RNF180: variants seen among roughly 807,000 people sequenced by gnomAD.
The protein encoded by RNF180 is E3 ubiquitin-protein ligase RNF180.
A neutral mutation model predicts 59.2 loss-of-function variants in RNF180; 38 were observed. The observed-to-expected ratio is 0.64, with a 90% CI of 0.50 to 0.84. The LOEUF (loss-of-function observed/expected upper bound fraction) is 0.84. Among genes scored for constraint, RNF180 ranks in the 40% least tolerant of loss-of-function variants. The pLI, the probability that RNF180 is intolerant of heterozygous loss-of-function variation, is 0.00. For missense variants in RNF180, 705 were observed against 700.9 expected (o/e 1.01, Z -0.07); for synonymous variants, 262 against 240.3 (o/e 1.09, Z -0.84).
intron 5 of RNF180, among the ~76,000 whole-genome samples, chr5:64,260,661 A>C (rs1257765320): frequency 6.6e-6 from 1 of 152,138 alleles, no homozygotes; most frequent in Non-Finnish European, 1.5e-5. Context: ...ACATATTTGC[A>C]CAGAGCAAAG....
chr5:64,192,939 A>ATATATATATATAT (rs1554028955), intron 1 of RNF180, among the ~76,000 whole-genome samples: 138 of 135,276 alleles, frequency 1.0e-3, no homozygotes, highest in African/African-American at 1.7e-3. Flanking sequence ...ATATATATAT[A>ATATATATATATAT]AAATGAAACA....
intron 5 of RNF180, among the ~76,000 whole-genome samples, chr5:64,284,516 C>T (rs1742181104): frequency 6.6e-6 from 1 of 152,154 alleles, no homozygotes; most frequent in Admixed American, 6.5e-5. Flanking sequence ...TTTTCATAAT[C>T]CCACATATCT....
chr5:64,308,479 T>C (rs1012954036), intron 5 of RNF180, among the ~76,000 whole-genome samples: 3 of 151,758 alleles, frequency 2.0e-5, no homozygotes, highest in Non-Finnish European at 4.4e-5. Flanking sequence ...GCAACAAACA[T>C]TAAACAAAGT....
rs149296355 is a variant in RNF180 at position 64,195,231 on chromosome 5, C to T, written c.1-5577C>T. Among the ~76,000 whole-genome samples, 571 of 152,212 alleles carry T rather than the reference C, an allele frequency of 3.8e-3. 3 individuals carry two copies. Among genetic ancestry groups the T allele is most frequent in the African/African-American group, 0.013 (554 of 41,532 alleles). Reference sequence around the variant, plus strand: ...AATGTACATATTGGGGGTAGAGTGTCTTCTAGCTGATTAGTAATACTGAAA... The same window carrying T: ...AATGTACATATTGGGGGTAGAGTGTTTTCTAGCTGATTAGTAATACTGAAA... On this transcript the variant is annotated intron_variant, in intron 1 of 7. Coordinates refer to ENST00000389100, the MANE Select transcript of RNF180 (RefSeq NM_001113561.2).
intron 7 of RNF180, among the ~76,000 whole-genome samples, chr5:64,336,390 CTATT>C (rs139150156): frequency 0.1 from 15,714 of 152,198 alleles, 987 homozygotes; most frequent in Middle Eastern, 0.21. Flanking sequence ...TTTTGTCTAT[CTATT>C]CACTTTCTAG....
Position 64,359,133 on chromosome 5 carries a change from C to T in RNF180, c.1580-10482C>T, listed in dbSNP as rs1346857600. Among the ~76,000 whole-genome samples the T allele has an allele frequency of 4.2e-4, 64 of 151,104 alleles. No individual in the cohort carries two copies. In the South Asian group the frequency reaches 0.01, roughly 24 times the overall value. On this transcript the variant is annotated intron_variant, in intron 7 of 7. Coordinates refer to ENST00000389100, the MANE Select transcript of RNF180 (RefSeq NM_001113561.2). ...TCTTTATAGCAGCATGATTTATAGT[C>T]CTTTGGGTATATACCCAGTAATGGG...
intron 5 of RNF180, among the ~76,000 whole-genome samples, chr5:64,290,517 C>T (rs1742522935): frequency 6.6e-6 from 1 of 152,134 alleles, no homozygotes; most frequent in African/African-American, 2.4e-5. Context: ...GTCTAAGTCC[C>T]TTTGTAGGTC....
intron 1 of RNF180, among the ~76,000 whole-genome samples, chr5:64,170,588 G>C (rs1025345687): frequency 6.6e-6 from 1 of 152,194 alleles, no homozygotes; most frequent in Non-Finnish European, 1.5e-5. Flanking sequence ...AAAGGCATAA[G>C]AAAGGAAAAA....
At chr5:64,174,815 G>A (rs1471358512) in intron 1 of RNF180, among the ~76,000 whole-genome samples, 2 of 151,988 alleles carry the variant, frequency 1.3e-5, no homozygotes, top group Non-Finnish European at 2.9e-5. Flanking sequence ...AATCCTGCTT[G>A]TCTATTTTTG....
At chr5:64,205,378 T>G (rs1379079657) in intron 2 of RNF180, among the ~76,000 whole-genome samples, 1 of 152,056 alleles carries the variant, frequency 6.6e-6, no homozygotes, top group Non-Finnish European at 1.5e-5. Context: ...GACTTCGACC[T>G]TGCATCCAGA....
intron 5 of RNF180, among the ~76,000 whole-genome samples, chr5:64,228,939 T>TG (rs1491389744): frequency 2.5e-5 from 3 of 121,182 alleles, no homozygotes; most frequent in Non-Finnish European, 3.5e-5. Context: ...TTTTTTTTTT[T>TG]GAGACAAGGT....
chr5:64,292,164 G>A (rs1742627085), intron 5 of RNF180, among the ~76,000 whole-genome samples: 1 of 152,104 alleles, frequency 6.6e-6, no homozygotes, highest in African/African-American at 2.4e-5. Context: ...CCCAGTTCGT[G>A]CCCTTGCTGG....
intron 5 of RNF180, among the ~76,000 whole-genome samples, chr5:64,294,502 A>C (rs1232579182): frequency 6.6e-6 from 1 of 152,198 alleles, no homozygotes; most frequent in Non-Finnish European, 1.5e-5. Context: ...TATAGCAACC[A>C]TGTATTACTT....
chr5:64,179,902 G>A (rs1035402698), intron 1 of RNF180, among the ~76,000 whole-genome samples: 4 of 152,094 alleles, frequency 2.6e-5, no homozygotes, highest in Non-Finnish European at 5.9e-5. Flanking sequence ...TTTATAGTTG[G>A]TATTGTAAGA....
chr5:64,303,069 G>A (rs1278767047), intron 5 of RNF180, among the ~76,000 whole-genome samples: 1 of 151,516 alleles, frequency 6.6e-6, no homozygotes, highest in Non-Finnish European at 1.5e-5. Flanking sequence ...AAACACTTTT[G>A]TTATAATATC....
intron 5 of RNF180, among the ~76,000 whole-genome samples, chr5:64,245,334 A>G (rs1471268249): frequency 6.6e-6 from 1 of 152,198 alleles, no homozygotes; most frequent in Non-Finnish European, 1.5e-5. Context: ...AAATTGGATA[A>G]AGAGTCTAGA....
At chr5:64,168,857 A>G (rs1434633363) in intron 1 of RNF180, among the ~76,000 whole-genome samples, 1 of 152,194 alleles carries the variant, frequency 6.6e-6, no homozygotes, top group African/African-American at 2.4e-5. Context: ...TAAATATCAA[A>G]TTGGCTTTTA....
intron 5 of RNF180, among the ~76,000 whole-genome samples, chr5:64,272,509 T>A (rs748629187): frequency 6.6e-6 from 1 of 151,982 alleles, no homozygotes; most frequent in African/African-American, 2.4e-5. Context: ...ATGATACAGA[T>A]GTTGGTCTTT....
At chr5:64,186,037 T>C (rs1750856021) in intron 1 of RNF180, among the ~76,000 whole-genome samples, 1 of 152,238 alleles carries the variant, frequency 6.6e-6, no homozygotes, top group Non-Finnish European at 1.5e-5. Flanking sequence ...GTGTTTTATC[T>C]GCTAGGAAAT....
Sources: allele counts gnomAD v4.1 joint callset (sites outside exome capture counted in the v4.1 genomes callset), GRCh38; gene constraint gnomAD v4.1.1; transcripts MANE v1.5; gene names NCBI Gene and HGNC (gene_info 2026-07-23, HGNC 2026-07-21).